The following TMEM131 variants were observed in gnomAD, a reference collection of about 807,000 sequenced individuals.
TMEM131 encodes 2610524E03Rik.
TMEM131 carries 66 observed loss-of-function variants against 211.6 expected under a neutral mutation model. That is an observed-to-expected ratio of 0.31 (90% CI 0.26 to 0.38). TMEM131 has a LOEUF of 0.38. TMEM131 is among the 10% of genes least tolerant of loss of function. The pLI is 1.00. For missense variants in TMEM131, 2,036 were observed against 2,299.3 expected (o/e 0.89, Z 2.34); for synonymous variants, 844 against 841.3 (o/e 1.00, Z -0.06).
rs1679065037 is a variant in TMEM131, at chr2:97,966,490, A to C, written c.187+28986T>G. Among the ~76,000 whole-genome samples the C allele has an allele frequency of 2.0e-5, 3 of 152,252 alleles. No homozygotes were observed. In the South Asian group the frequency reaches 6.2e-4, roughly 32 times the overall value. On this transcript the variant is annotated intron_variant, in intron 1 of 40. Transcript: ENST00000186436. ...TATAAACTACTTGAGGCCAGGAATC[A>C]CCCCTTCTTCATCTCTTAGGTTCCA...
rs887476510 is a variant in TMEM131 at position 97,859,508 on chromosome 2, T to C, written c.360-81A>G. On this transcript the variant is annotated intron_variant, in intron 4 of 40. Transcript: ENST00000186436. ...CTAGTTGTTAAAAAATTAATCAAAA[T>C]TGTTAGACAAATACATAGCTAAATA... 46 of 1,254,216 alleles carry C rather than the reference T, an allele frequency of 3.7e-5. No homozygotes were observed. In the African/African-American group the frequency reaches 6.7e-4, roughly 18 times the overall value. The allele number at this position is 1,254,216 out of a possible 1,614,324, so 77.7% of individuals were successfully genotyped here.
At chr2:97,982,863 A>G in intron 1 of TMEM131, among the ~76,000 whole-genome samples, 1 of 152,226 alleles carries the variant, frequency 6.6e-6, no homozygotes, top group Non-Finnish European at 1.5e-5. Flanking sequence ...GGAAGCCTCT[A>G]GAAGCTAAAA....
chr2:97,760,243 T>C (rs770070749), intron 38 of TMEM131: 1 of 304,254 alleles, frequency 3.3e-6, no homozygotes. Context: ...TTGCTCCAGA[T>C]TTCCCCCCTC....
chr2:97,830,695 T>C (rs1326698519), intron 11 of TMEM131, among the ~76,000 whole-genome samples: 1 of 152,232 alleles, frequency 6.6e-6, no homozygotes, highest in Non-Finnish European at 1.5e-5. Context: ...CCATCATTTA[T>C]ACAGCACTAA....
rs967922070 is a variant in TMEM131 at position 97,756,789 on chromosome 2, T to G, written c.*310A>C. On this transcript the variant is annotated 3_prime_UTR_variant, in exon 41 of 41. Transcript: ENST00000186436. ...TCAAATCTGTGTTCATACAGATAAA[T>G]AAAGCATGGGGAAGACAGGTGGTGA... 1.4e-5 allele frequency: 3 copies of G among 217,512 alleles called. No homozygotes were observed. The highest frequency in any genetic ancestry group is 2.7e-5 in the Non-Finnish European group (3 of 111,818). The allele number at this position is 217,512 out of a possible 1,614,324, so 13.5% of individuals were successfully genotyped here. A position where few individuals can be genotyped will look rare whatever the true frequency, so the allele number is the denominator to read the frequency against.
intron 1 of TMEM131, among the ~76,000 whole-genome samples, chr2:97,978,336 C>G (rs1181440068): frequency 6.6e-6 from 1 of 152,158 alleles, no homozygotes; most frequent in Non-Finnish European, 1.5e-5. Flanking sequence ...CAGATTTCAT[C>G]TCAAGAAATC....
At chr2:97,830,790 G>A (rs1682643508) in intron 11 of TMEM131, among the ~76,000 whole-genome samples, 1 of 152,156 alleles carries the variant, frequency 6.6e-6, no homozygotes. Flanking sequence ...CATCCTGTCT[G>A]TTAGCAGTTG....
chr2:97,880,732 CAT>C (rs1244178059), intron 4 of TMEM131, among the ~76,000 whole-genome samples: 1 of 152,042 alleles, frequency 6.6e-6, no homozygotes, highest in Admixed American at 6.6e-5. Flanking sequence ...AGATTACAGG[CAT>C]ATGTCAAAGG....
chr2:97,792,598 G>A lies in TMEM131; in HGVS notation c.3932C>T (p.Pro1311Leu), dbSNP rs761692998. The A allele has an allele frequency of 1.2e-6, 2 of 1,613,026 alleles. No individual in the cohort carries two copies. Among genetic ancestry groups the A allele is most frequent in the Non-Finnish European group, 1.7e-6 (2 of 1,179,470 alleles). Reference protein sequence around the residue: ...HPQPPLPPPVPQPQEPQPERL... With the variant: ...HPQPPLPPPVLQPQEPQPERL... ...TTCAGGCTGCGGCTCCTGGGGCTGA[G>A]GCACTGGCGGTGGCAGAGGAGGCTG... The change falls in exon 31 of 41, where the codon CCT becomes CTT. Residue 1311 changes from proline to leucine, a missense_variant. Pro to Leu is a moderately conservative substitution (Grantham distance 98). Around this residue, in one of 3 missense-constraint regions of TMEM131, gnomAD observed 1,623 missense variants for 1,805.9 expected, o/e 0.90. Coordinates refer to ENST00000186436, the MANE Select transcript of TMEM131 (RefSeq NM_015348.2).
intron 1 of TMEM131, 119 bp downstream of exon 1, chr2:97,995,357 G>A (rs1680450750): frequency 9.4e-7 from 1 of 1,060,746 alleles, no homozygotes; most frequent in Non-Finnish European, 1.2e-6. Flanking sequence ...GACGGTACCC[G>A]ACCGCCCAAC....
At chr2:97,944,485 AAC>A (rs897974134) in intron 1 of TMEM131, among the ~76,000 whole-genome samples, 3 of 152,350 alleles carry the variant, frequency 2.0e-5, no homozygotes, top group African/African-American at 4.8e-5. Context: ...TCAAAATTAA[AAC>A]AGTTTGTGCT....
At position 97,792,903 on chromosome 2, in the gene TMEM131, C is replaced by G. The variant is rs766818068; in HGVS notation, c.3627G>C (p.Gly1209=). 2.5e-6 allele frequency: 4 copies of G among 1,612,982 alleles called. No homozygotes were observed. The Admixed American group carries it at 5.0e-5, about 20-fold the overall frequency. The part of the protein sequence containing the change: ...AGGSSSRPSA[G]SHKQCGPSVH... ...CCGATGGGCCACACTGCTTATGACT[C>G]CCGGCACTGGGTCGGGATGATGAAC... Residue 1209 remains glycine, a synonymous_variant, in exon 31 of 41, where the codon GGG becomes GGC. Transcript: ENST00000186436.
chr2:97,910,308 G>A (rs1457211527), intron 2 of TMEM131, among the ~76,000 whole-genome samples: 1 of 152,134 alleles, frequency 6.6e-6, no homozygotes, highest in Non-Finnish European at 1.5e-5. Flanking sequence ...AGCCACTATG[G>A]AAAACAGTAT....
chr2:97,901,121 A>G (rs1372554296), intron 3 of TMEM131, among the ~76,000 whole-genome samples: 1 of 152,212 alleles, frequency 6.6e-6, no homozygotes. Flanking sequence ...ATACATACAC[A>G]AGAGATTATT....
intron 11 of TMEM131, among the ~76,000 whole-genome samples, chr2:97,825,652 A>G (rs1037201026): frequency 3.3e-5 from 5 of 152,208 alleles, no homozygotes; most frequent in African/African-American, 1.2e-4. Flanking sequence ...TTCTCACAGG[A>G]CAACACTTCT....
At chr2:97,858,697 T>C (rs541890617) in intron 5 of TMEM131, among the ~76,000 whole-genome samples, 1 of 152,286 alleles carries the variant, frequency 6.6e-6, no homozygotes, top group Non-Finnish European at 1.5e-5. Flanking sequence ...GGCTTGAAGA[T>C]GGATGGCCCG....
At chr2:97,862,755 G>A (rs924520812) in intron 4 of TMEM131, among the ~76,000 whole-genome samples, 3 of 152,002 alleles carry the variant, frequency 2.0e-5, no homozygotes, top group Non-Finnish European at 4.4e-5. Context: ...CCTCAAAAGG[G>A]GAAATCTAAG....
intron 1 of TMEM131, among the ~76,000 whole-genome samples, chr2:97,968,667 C>T (rs1454039687): frequency 6.6e-6 from 1 of 152,218 alleles, no homozygotes; most frequent in Non-Finnish European, 1.5e-5. Flanking sequence ...ACATCTCCCA[C>T]TCATCTGTGC....
intron 1 of TMEM131, among the ~76,000 whole-genome samples, chr2:97,990,892 A>G (rs1029743998): frequency 2.0e-5 from 3 of 152,246 alleles, no homozygotes; most frequent in Admixed American, 2.0e-4. Flanking sequence ...ACTATAGTAC[A>G]CTGGCAAAAA....
Sources: allele counts gnomAD v4.1 joint callset (sites outside exome capture counted in the v4.1 genomes callset), GRCh38; gene constraint gnomAD v4.1.1; regional missense constraint gnomAD v4.1.1; transcripts MANE v1.5; gene names NCBI Gene and HGNC (gene_info 2026-07-23, HGNC 2026-07-21).